The following AR variants were observed in gnomAD, a reference collection of about 807,000 sequenced individuals.
The protein encoded by AR is androgen receptor.
A neutral mutation model predicts 53.9 loss-of-function variants in AR; 8 were observed. The observed-to-expected ratio is 0.15, with a 90% confidence interval of 0.09 to 0.27. The LOEUF (loss-of-function observed/expected upper bound fraction) is 0.27, where lower values mean the gene tolerates loss of function less well. Ranked by LOEUF, AR falls within the 10% of genes least tolerant of loss-of-function variation. The pLI, the probability that AR is intolerant of heterozygous loss-of-function variation, is 1.00. For synonymous variants in AR, 359 were observed against 316.4 expected, an observed-to-expected ratio of 1.13 and a Z score of -1.43; for missense variants, 639 against 742.5, an observed-to-expected ratio of 0.86 and a Z score of 1.62.
intron 1 of AR, among the ~76,000 whole-genome samples, chrX:67,569,220 G>C (rs1223629616): frequency 7.9e-5 from 8 of 101,151 alleles, no homozygotes; most frequent in Non-Finnish European, 1.6e-4. Context: ...TGTGGGGGGG[G>C]GTTGGGGGTT....
At chrX:67,599,664 C>G (rs1009771660) in intron 1 of AR, among the ~76,000 whole-genome samples, 2 of 111,998 alleles carry the variant, frequency 1.8e-5, no homozygotes, top group South Asian at 7.4e-4. Context: ...TACTATTCAA[C>G]AAATGAATAC....
At chrX:67,706,949 A>T (rs926545169) in intron 3 of AR, among the ~76,000 whole-genome samples, 2 of 111,713 alleles carry the variant, frequency 1.8e-5, no homozygotes, top group Admixed American at 9.5e-5. Context: ...TCCATGTAGT[A>T]GAGTGGTTTT....
chrX:67,651,067 T>G (rs1225305199), intron 2 of AR, among the ~76,000 whole-genome samples: 7 of 109,345 alleles, frequency 6.4e-5, no homozygotes, highest in Middle Eastern at 4.2e-3. Flanking sequence ...GACGGAGTCT[T>G]GCTCTGTCTG....
At chrX:67,701,308 A>G (rs1292052242) in intron 3 of AR, among the ~76,000 whole-genome samples, 1 of 111,400 alleles carries the variant, frequency 9.0e-6, no homozygotes, top group Non-Finnish European at 1.9e-5. Flanking sequence ...GTCTAGAAGG[A>G]TCTCAGAGAG....
intron 2 of AR, among the ~76,000 whole-genome samples, chrX:67,664,361 T>G (rs1489547313): frequency 3.6e-5 from 4 of 112,280 alleles, no homozygotes; most frequent in Non-Finnish European, 7.5e-5. Context: ...GCAGGTCTGT[T>G]GGAGTTTGCT....
chrX:67,642,832 C>T (rs1925856728), intron 1 of AR, among the ~76,000 whole-genome samples: 1 of 111,851 alleles, frequency 8.9e-6, no homozygotes, highest in South Asian at 3.8e-4. Flanking sequence ...AAGCAAGGAA[C>T]ATCAAATCAC....
chrX:67,685,801 A>C (rs2075962935), intron 2 of AR: 2 of 501,788 alleles, frequency 4.0e-6, no homozygotes, highest in Middle Eastern at 6.2e-4. Context: ...CCTAAAAAAA[A>C]CACCAATGGA....
intron 3 of AR, among the ~76,000 whole-genome samples, chrX:67,690,878 A>G (rs2075992266): frequency 8.9e-6 from 1 of 111,797 alleles, no homozygotes; most frequent in South Asian, 3.7e-4. Flanking sequence ...ACATGAACAA[A>G]ATGCATTGAG....
At chrX:67,659,558 T>C (rs148839301) in intron 2 of AR, among the ~76,000 whole-genome samples, 2,448 of 111,766 alleles carry the variant, frequency 0.022, 69 homozygotes, top group African/African-American at 0.075. Context: ...CTTCATTTTT[T>C]ATGGCTGCGT....
At chrX:67,688,867 A>G (rs1404433245) in intron 3 of AR, among the ~76,000 whole-genome samples, 1 of 111,976 alleles carries the variant, frequency 8.9e-6, no homozygotes, top group Non-Finnish European at 1.9e-5. Context: ...GAAAAGAAAG[A>G]AAGTGTCAAT....
chrX:67,662,595 G>T (rs1408384045), intron 2 of AR, among the ~76,000 whole-genome samples: 1 of 111,349 alleles, frequency 9.0e-6, no homozygotes, highest in African/African-American at 3.3e-5. Context: ...ATTTGCTGAG[G>T]AGTGCTTTAC....
intron 1 of AR, among the ~76,000 whole-genome samples, chrX:67,616,734 C>T (rs913601087): frequency 9.0e-6 from 1 of 111,454 alleles, no homozygotes; most frequent in East Asian, 2.8e-4. Flanking sequence ...TTCATAGCTT[C>T]CATAAATATT....
intron 1 of AR, among the ~76,000 whole-genome samples, chrX:67,605,489 A>G (rs1186793714): frequency 9.0e-6 from 1 of 110,842 alleles, no homozygotes; most frequent in African/African-American, 3.3e-5. Context: ...TTGTGAGATG[A>G]CTCACCCTTT....
At chrX:67,685,336 G>T (rs1472698931) in intron 2 of AR, among the ~76,000 whole-genome samples, 1 of 111,478 alleles carries the variant, frequency 9.0e-6, no homozygotes, top group Non-Finnish European at 1.9e-5. Flanking sequence ...GCGCTTCTAT[G>T]TATCTGTGAC....
intron 2 of AR, among the ~76,000 whole-genome samples, chrX:67,649,660 C>G (rs1374843868): frequency 1.8e-5 from 2 of 112,027 alleles, no homozygotes; most frequent in African/African-American, 6.5e-5. Flanking sequence ...GTTTGTTGGC[C>G]GCATAAATGT....
intron 5 of AR, among the ~76,000 whole-genome samples, chrX:67,718,107 G>C (rs141526455): frequency 8.9e-6 from 1 of 111,972 alleles, no homozygotes; most frequent in South Asian, 3.8e-4. Flanking sequence ...CCTTTTTATA[G>C]ATAACACTAT....
At chrX:67,557,470 A>G (rs1171290812) in intron 1 of AR, among the ~76,000 whole-genome samples, 1 of 112,265 alleles carries the variant, frequency 8.9e-6, no homozygotes. Flanking sequence ...GAATTATCTG[A>G]TGAACATCCT....
rs191390794 is a variant in AR, at chrX:67,600,512, A to G, written c.1617-42744A>G. Among the ~76,000 whole-genome samples the G allele has an allele frequency of 1.2e-3, 131 of 111,197 alleles. 1 individual carries two copies. Among genetic ancestry groups the G allele is most frequent in the African/African-American group, 4.2e-3 (129 of 30,658 alleles). The stretch of plus-strand genomic sequence containing the variant: ...AATCAAAACAATTGAACTAATGGAT[A>G]TAGAAAGTAGAAGGATGGTAACCAA... On this transcript the variant is annotated intron_variant, in intron 1 of 7. Coordinates refer to ENST00000374690, the MANE Select transcript of AR (RefSeq NM_000044.6).
Position 67,713,847 on chromosome X carries a change from C to A in AR, c.2173+2158C>A, listed in dbSNP as rs182217597. ...CAATATCAGTTCACCATCTAGCTTG[C>A]CAGACTAAATGATTTCTGACCCCAA... On this transcript the variant is annotated intron_variant, in intron 4 of 7. Coordinates refer to ENST00000374690, the MANE Select transcript of AR (RefSeq NM_000044.6). Among the ~76,000 whole-genome samples the A allele has an allele frequency of 8.0e-4, 89 of 111,827 alleles. 1 individual carries two copies. The East Asian group carries it at 0.017, about 21-fold the overall frequency.
Sources: gnomAD v4.1 joint callset for allele counts (sites outside exome capture counted in the v4.1 genomes callset) on GRCh38, gnomAD v4.1.1 for gene constraint, MANE v1.5 for transcripts, NCBI Gene and HGNC (gene_info 2026-07-23, HGNC 2026-07-21) for gene names.